Variants in SLC4A4 observed in about 807,000 individuals in gnomAD.
The protein encoded by SLC4A4 is solute carrier family 4 member 4.
SLC4A4 carries 27 observed loss-of-function variants against 111.5 expected under a neutral mutation model. That is an observed-to-expected ratio of 0.24 (90% CI 0.18 to 0.33). The LOEUF (loss-of-function observed/expected upper bound fraction) is 0.33, where lower values mean the gene tolerates loss of function less well. Among genes scored for constraint, SLC4A4 ranks in the 10% least tolerant of loss-of-function variants. The pLI is 1.00. For missense variants in SLC4A4, 909 were observed against 1,315.5 expected, an observed-to-expected ratio of 0.69 and a Z score of 4.78; for synonymous variants, 443 against 463.4, an observed-to-expected ratio of 0.96 and a Z score of 0.57.
intron 6 of SLC4A4, among the ~76,000 whole-genome samples, chr4:71,390,870 C>T (rs1361696936): frequency 1.3e-5 from 2 of 152,038 alleles, no homozygotes; most frequent in African/African-American, 4.8e-5. Flanking sequence ...TGAACTTAAC[C>T]TGCTTGAAGT....
intron 2 of SLC4A4, among the ~76,000 whole-genome samples, chr4:71,253,318 A>C (rs900790130): frequency 2.6e-5 from 4 of 152,172 alleles, no homozygotes; most frequent in Non-Finnish European, 4.4e-5. Context: ...ACTGTCTATT[A>C]AATGATTTGA....
chr4:71,411,574 G>T (rs1200343496), intron 7 of SLC4A4, among the ~76,000 whole-genome samples: 1 of 152,062 alleles, frequency 6.6e-6, no homozygotes, highest in Non-Finnish European at 1.5e-5. Flanking sequence ...ACCATAGCCT[G>T]CCAGTAACTT....
intron 3 of SLC4A4, among the ~76,000 whole-genome samples, chr4:71,271,400 A>G (rs1266669484): frequency 6.6e-6 from 1 of 152,236 alleles, no homozygotes. Flanking sequence ...CCAGAAATGA[A>G]TTAATGTGTT....
At chr4:71,347,662 G>A (rs949866932) in intron 4 of SLC4A4, among the ~76,000 whole-genome samples, 1 of 152,078 alleles carries the variant, frequency 6.6e-6, no homozygotes, top group East Asian at 1.9e-4. Flanking sequence ...GAGGATGATG[G>A]CAGAAAAGAA....
At chr4:71,217,597 A>T (rs1480746084) in intron 1 of SLC4A4, among the ~76,000 whole-genome samples, 5 of 152,188 alleles carry the variant, frequency 3.3e-5, no homozygotes, top group African/African-American at 9.7e-5. Flanking sequence ...ACCAACAACG[A>T]AATGGCATTT....
At chr4:71,400,051 T>C (rs1189773648) in intron 7 of SLC4A4, among the ~76,000 whole-genome samples, 1 of 152,210 alleles carries the variant, frequency 6.6e-6, no homozygotes, top group African/African-American at 2.4e-5. Context: ...GCCATGCTGA[T>C]TATTTGCAAG....
chr4:71,566,323 C>A (rs1011696238), intron 24 of SLC4A4, among the ~76,000 whole-genome samples: 2 of 151,772 alleles, frequency 1.3e-5, no homozygotes, highest in African/African-American at 4.8e-5. Flanking sequence ...ATGTGCCTAG[C>A]ATGTATGTCT....
At chr4:71,427,812 G>A (rs1424991603) in intron 7 of SLC4A4, among the ~76,000 whole-genome samples, 3 of 152,102 alleles carry the variant, frequency 2.0e-5, no homozygotes, top group Non-Finnish European at 4.4e-5. Flanking sequence ...CATCCACACA[G>A]AATCTGAATC....
chr4:71,147,221 T>G (rs1479223079), intron 2 of SLC4A4, among the ~76,000 whole-genome samples: 1 of 152,212 alleles, frequency 6.6e-6, no homozygotes, highest in Non-Finnish European at 1.5e-5. Flanking sequence ...ATATGAATTT[T>G]GTTGTTTAAC....
At chr4:71,551,560 A>C (rs1034332370) in intron 20 of SLC4A4, among the ~76,000 whole-genome samples, 2 of 151,926 alleles carry the variant, frequency 1.3e-5, no homozygotes, top group African/African-American at 4.8e-5. Flanking sequence ...TTTATTAATG[A>C]CTTACCAGGT....
At chr4:71,088,234 C>CTT (rs566407120) in intron 1 of SLC4A4, among the ~76,000 whole-genome samples, 3 of 145,364 alleles carry the variant, frequency 2.1e-5, no homozygotes, top group African/African-American at 5.0e-5. Context: ...CAATACCTGC[C>CTT]TTTTTTTTTT....
chr4:71,496,098 G>T (rs923316413), intron 15 of SLC4A4, among the ~76,000 whole-genome samples: 1 of 152,110 alleles, frequency 6.6e-6, no homozygotes, highest in Non-Finnish European at 1.5e-5. Context: ...CCAGGAGACT[G>T]CTTGTCACAT....
intron 1 of SLC4A4, chr4:71,236,266 A>C: frequency 1.0e-6 from 1 of 988,850 alleles, no homozygotes; most frequent in Non-Finnish European, 1.2e-6. Flanking sequence ...CATCCTTTTT[A>C]AAAAGAATTT....
chr4:71,505,824 G>A (rs1016195618), intron 16 of SLC4A4, among the ~76,000 whole-genome samples: 38 of 152,060 alleles, frequency 2.5e-4, no homozygotes, highest in African/African-American at 8.7e-4. Context: ...ATGGTTTGGG[G>A]TTTTATGATT....
chr4:71,487,780 G>A (rs1729554579), intron 15 of SLC4A4, among the ~76,000 whole-genome samples: 1 of 151,544 alleles, frequency 6.6e-6, no homozygotes, highest in Non-Finnish European at 1.5e-5. Context: ...TGTAGTGAGT[G>A]CCCTAACATC....
intron 21 of SLC4A4, 142 bp from the exon 22 acceptor site, chr4:71,557,570 T>G (rs944644450): frequency 6.4e-6 from 5 of 775,460 alleles, no homozygotes; most frequent in Non-Finnish European, 1.1e-5. Context: ...ACTAAATTTC[T>G]GCATTCCTTG....
intron 2 of SLC4A4, among the ~76,000 whole-genome samples, chr4:71,180,247 C>T (rs1476025385): frequency 6.6e-6 from 1 of 152,052 alleles, no homozygotes; most frequent in Admixed American, 6.5e-5. Flanking sequence ...CCATAAAAAC[C>T]CTGGAAGAAA....
At chr4:71,495,040 T>C (rs540395708) in intron 15 of SLC4A4, among the ~76,000 whole-genome samples, 2 of 152,236 alleles carry the variant, frequency 1.3e-5, no homozygotes, top group Admixed American at 6.5e-5. Context: ...GCATGCCACC[T>C]ACAGTTTTTA....
chr4:71,567,818 T>C lies in SLC4A4; in HGVS notation c.*67T>C. 6.5e-7 allele frequency: 1 copy of C among 1,546,000 alleles called. No homozygotes were observed. The highest frequency in any genetic ancestry group is 8.7e-7 in the Non-Finnish European group (1 of 1,143,630). On this transcript the variant is annotated 3_prime_UTR_variant, in exon 26 of 26. Coordinates refer to ENST00000264485, the MANE Select transcript of SLC4A4 (RefSeq NM_001098484.3). Reference sequence around the variant, plus strand: ...CTAGAACTCCAGTAAAAGTTGTGCCTCAAATTAGAATAGAACTTGAACCTG... The same window carrying C: ...CTAGAACTCCAGTAAAAGTTGTGCCCCAAATTAGAATAGAACTTGAACCTG...
Sources: allele counts gnomAD v4.1 joint callset (sites outside exome capture counted in the v4.1 genomes callset), GRCh38; gene constraint gnomAD v4.1.1; transcripts MANE v1.5; gene names NCBI Gene and HGNC (gene_info 2026-07-23, HGNC 2026-07-21).